PANX1: variants seen among roughly 807,000 people sequenced by gnomAD.
PANX1 encodes the protein pannexin-1.
Under a neutral mutation model 38.7 loss-of-function variants are expected in PANX1, and 30 were observed. The observed-to-expected ratio is 0.78, with a 90% CI of 0.58 to 1.05. The LOEUF (loss-of-function observed/expected upper bound fraction) is 1.05. Among genes scored for constraint, PANX1 ranks in the 50% least tolerant of loss-of-function variants. The probability of loss-of-function intolerance (pLI) is 0.00; values close to 1 mark genes in which losing one functional copy is unlikely to be tolerated. For synonymous variants in PANX1, 230 were observed against 212.2 expected (o/e 1.08, Z -0.73); for missense variants, 551 against 517.2 (o/e 1.07, Z -0.63).
chr11:94,169,798 C>CTA, intron 2 of PANX1, among the ~76,000 whole-genome samples: 1 of 151,668 alleles, frequency 6.6e-6, no homozygotes, highest in South Asian at 2.1e-4. Context: ...CATGGCCCTG[C>CTA]TAGCACCTTG....
At chr11:94,149,682 T>G (rs1946864616) in intron 1 of PANX1, among the ~76,000 whole-genome samples, 1 of 152,186 alleles carries the variant, frequency 6.6e-6, no homozygotes, top group Non-Finnish European at 1.5e-5. Flanking sequence ...TCTTGCAAAA[T>G]CTGTTCCCTA....
chr11:94,151,821 C>T (rs1946885657), intron 1 of PANX1, among the ~76,000 whole-genome samples: 1 of 152,226 alleles, frequency 6.6e-6, no homozygotes, highest in Admixed American at 6.5e-5. Flanking sequence ...TTATAGAACA[C>T]TTGCTGATGT....
chr11:94,152,671 A>G (rs987713210), intron 1 of PANX1, among the ~76,000 whole-genome samples: 4 of 152,358 alleles, frequency 2.6e-5, no homozygotes, highest in Non-Finnish European at 4.4e-5. Flanking sequence ...CCTATTGGTC[A>G]GTTTCCCTCC....
chr11:94,129,548 T>G, intron 1 of PANX1, 55 bp downstream of exon 1: 1 of 1,505,738 alleles, frequency 6.6e-7, no homozygotes, highest in Admixed American at 1.8e-5. Flanking sequence ...CCCGGTGAGC[T>G]GCGATTTTAC....
rs775315701 is a variant in PANX1, at chr11:94,179,724, T to A, written c.668T>A (p.Ile223Asn). Residue 223 changes from isoleucine (I) to asparagine (N), a missense_variant, in exon 4 of 5, where the codon ATT becomes AAT. Ile to Asn is a moderately radical substitution (Grantham distance 149). Coordinates refer to ENST00000227638, the MANE Select transcript of PANX1 (RefSeq NM_015368.4). The stretch of plus-strand genomic sequence containing the variant: ...AGCTGCCGCCTGCTGACACTCATCA[T>A]TATACTGTTAGCGTGTATCTACCTG... Reference protein sequence around the residue: ...YISCRLLTLIIILLACIYLGY... With the variant: ...YISCRLLTLINILLACIYLGY... The A allele has an allele frequency of 1.2e-6, 2 of 1,614,018 alleles. No homozygotes were observed. The highest frequency in any genetic ancestry group is 2.2e-5 in the South Asian group (2 of 91,060).
rs747480788 is a variant in PANX1 at position 94,178,458 on chromosome 11, A to G, written c.411A>G (p.Ser137=). The change falls in exon 3 of 5, where the codon TCA becomes TCG. Residue 137 remains serine, a synonymous_variant. Coordinates refer to ENST00000227638, the MANE Select transcript of PANX1 (RefSeq NM_015368.4). The stretch of plus-strand genomic sequence containing the variant: ...TCGCAGCTGCTCCTCATATTTGCTC[A>G]GACTTGAAGTTTATCATGGAAGAAC... ...WRFAAAPHIC[S]DLKFIMEELD... is the part of the protein sequence containing the mutation. The G allele has an allele frequency of 1.2e-6, 2 of 1,614,076 alleles. No homozygotes were observed. The highest frequency in any genetic ancestry group is 1.1e-5 in the South Asian group (1 of 91,072).
At chr11:94,144,377 T>C (rs1946802342) in intron 1 of PANX1, among the ~76,000 whole-genome samples, 1 of 152,104 alleles carries the variant, frequency 6.6e-6, no homozygotes, top group Non-Finnish European at 1.5e-5. Flanking sequence ...ACATTTTTGA[T>C]GATGTCGTTT....
intron 1 of PANX1, among the ~76,000 whole-genome samples, chr11:94,152,628 G>C (rs1946896044): frequency 6.6e-6 from 1 of 152,198 alleles, no homozygotes; most frequent in Non-Finnish European, 1.5e-5. Flanking sequence ...CTGGTGGGAA[G>C]GGGAGGACAC....
At chr11:94,173,785 C>A (rs1229972057) in intron 2 of PANX1, among the ~76,000 whole-genome samples, 1 of 151,722 alleles carries the variant, frequency 6.6e-6, no homozygotes, top group Non-Finnish European at 1.5e-5. Flanking sequence ...ACCAGTGGTA[C>A]CCCATTGTGT....
chr11:94,138,876 C>G (rs1946729634), intron 1 of PANX1, among the ~76,000 whole-genome samples: 1 of 152,154 alleles, frequency 6.6e-6, no homozygotes, highest in African/African-American at 2.4e-5. Flanking sequence ...TTAATTATTT[C>G]TTCAGTTGCA....
intron 2 of PANX1, among the ~76,000 whole-genome samples, chr11:94,167,149 G>A (rs570246599): frequency 3.3e-5 from 5 of 152,292 alleles, no homozygotes; most frequent in African/African-American, 1.2e-4. Flanking sequence ...GCAGCACTGA[G>A]TTCCAGTGCA....
chr11:94,167,044 G>A (rs1947109736), intron 2 of PANX1, among the ~76,000 whole-genome samples: 1 of 152,138 alleles, frequency 6.6e-6, no homozygotes, highest in Admixed American at 6.5e-5. Flanking sequence ...CTCCCACTGG[G>A]GCAGAAGATT....
At chr11:94,136,545 C>G (rs1946693412) in intron 1 of PANX1, among the ~76,000 whole-genome samples, 3 of 152,162 alleles carry the variant, frequency 2.0e-5, no homozygotes, top group South Asian at 4.1e-4. Flanking sequence ...CTTTGGGAGG[C>G]CGACGTGGGC....
rs1329027357 is a variant in PANX1, at chr11:94,129,113, G to C, written c.-200G>C. 1 of 445,024 alleles carries C rather than the reference G, an allele frequency of 2.2e-6. No individual in the cohort carries two copies. The highest frequency in any genetic ancestry group is 3.9e-6 in the Non-Finnish European group (1 of 253,942). 27.6% of individuals were successfully genotyped at this position (445,024 alleles called of 1,614,324 possible). ...TCCCGCCCCGCCCCGCCCCGCCGGCGGCGGAGGCAGCGAGCGCGAGAGCCC... is the reference window on the plus strand; with the variant it reads ...TCCCGCCCCGCCCCGCCCCGCCGGCCGCGGAGGCAGCGAGCGCGAGAGCCC... On this transcript the variant is annotated 5_prime_UTR_variant, in exon 1 of 5. Transcript: ENST00000227638.
At chr11:94,160,362 G>A (rs992564128) in intron 2 of PANX1, among the ~76,000 whole-genome samples, 1 of 152,146 alleles carries the variant, frequency 6.6e-6, no homozygotes, top group Non-Finnish European at 1.5e-5. Context: ...GGGAGTCTAA[G>A]TCTCTTTGTA....
At chr11:94,139,086 C>G (rs1157910678) in intron 1 of PANX1, among the ~76,000 whole-genome samples, 3 of 152,192 alleles carry the variant, frequency 2.0e-5, no homozygotes, top group African/African-American at 7.2e-5. Context: ...ATTTCCCAAT[C>G]ATATAGTCAA....
At chr11:94,166,689 A>G (rs1947104062) in intron 2 of PANX1, among the ~76,000 whole-genome samples, 1 of 152,154 alleles carries the variant, frequency 6.6e-6, no homozygotes, top group Admixed American at 6.5e-5. Context: ...ATACCTGCAT[A>G]TTATATCAGG....
In PANX1 at chr11:94,178,482, A is replaced by G. The variant is rs1947261980; in HGVS notation, c.435A>G (p.Glu145=). Residue 145 remains glutamate, a synonymous_variant, in exon 3 of 5, where the codon GAA becomes GAG. Transcript: ENST00000227638. Reference sequence around the variant, plus strand: ...CAGACTTGAAGTTTATCATGGAAGAACTTGACAAAGTTTACAACCGTGCAA... The same window carrying G: ...CAGACTTGAAGTTTATCATGGAAGAGCTTGACAAAGTTTACAACCGTGCAA... ...ICSDLKFIME[E]LDKVYNRAIK... The G allele has an allele frequency of 1.9e-6, 3 of 1,614,016 alleles. No homozygotes were observed. Among genetic ancestry groups the G allele is most frequent in the African/African-American group, 1.3e-5 (1 of 74,920 alleles).
chr11:94,156,348 G>T (rs1331670412), intron 2 of PANX1, among the ~76,000 whole-genome samples: 1 of 152,184 alleles, frequency 6.6e-6, no homozygotes, highest in Admixed American at 6.5e-5. Flanking sequence ...TCTGGCAGTG[G>T]AAGACTGCTT....
Sources: gnomAD v4.1 joint callset for allele counts (sites outside exome capture counted in the v4.1 genomes callset) on GRCh38, gnomAD v4.1.1 for gene constraint, MANE v1.5 for transcripts, NCBI Gene and HGNC (gene_info 2026-07-23, HGNC 2026-07-21) for gene names.